The following NRG3 variants were observed in gnomAD, a reference collection of about 807,000 sequenced individuals.
NRG3 encodes pro-neuregulin-3, membrane-bound isoform.
Under a neutral mutation model 66.9 loss-of-function variants are expected in NRG3, and 31 were observed. That is an observed-to-expected ratio of 0.46 (90% CI 0.35 to 0.63). NRG3 has a LOEUF of 0.63. NRG3 is among the 20% of genes least tolerant of loss of function. The pLI, the probability that NRG3 is intolerant of heterozygous loss-of-function variation, is 0.00. For synonymous variants in NRG3, 393 were observed against 359.4 expected (o/e 1.09, Z -1.06); for missense variants, 910 against 878.9 (o/e 1.04, Z -0.45).
chr10:82,108,737 T>C (rs1040870322), intron 1 of NRG3, among the ~76,000 whole-genome samples: 1 of 152,220 alleles, frequency 6.6e-6, no homozygotes, highest in Admixed American at 6.5e-5. Context: ...GCGTTCATAA[T>C]AGCTAGCCTG....
intron 2 of NRG3, among the ~76,000 whole-genome samples, chr10:82,689,122 A>G (rs1428596886): frequency 6.6e-6 from 1 of 152,140 alleles, no homozygotes; most frequent in Non-Finnish European, 1.5e-5. Flanking sequence ...ACCTTATAAA[A>G]TTGCTGATCA....
At chr10:82,492,547 G>T (rs1843244498) in intron 2 of NRG3, among the ~76,000 whole-genome samples, 2 of 152,144 alleles carry the variant, frequency 1.3e-5, no homozygotes, top group Admixed American at 1.3e-4. Flanking sequence ...AAAAGAGATT[G>T]CATAGAAACC....
intron 2 of NRG3, among the ~76,000 whole-genome samples, chr10:82,600,482 A>G (rs2047553388): frequency 6.6e-6 from 1 of 151,970 alleles, no homozygotes; most frequent in African/African-American, 2.4e-5. Flanking sequence ...TTTATTTGCT[A>G]TTTTTTGAGA....
At chr10:82,785,638 G>C (rs1024951652) in intron 3 of NRG3, among the ~76,000 whole-genome samples, 2 of 152,166 alleles carry the variant, frequency 1.3e-5, no homozygotes, top group Admixed American at 1.3e-4. Flanking sequence ...ACTTTAGAGG[G>C]ATGAACTAGG....
At chr10:82,575,777 A>T (rs1176373642) in intron 2 of NRG3, among the ~76,000 whole-genome samples, 1 of 151,754 alleles carries the variant, frequency 6.6e-6, no homozygotes, top group African/African-American at 2.4e-5. Context: ...GTCTTGTTTT[A>T]TGTTCTTCCA....
Position 82,143,910 on chromosome 10 carries a change from G to A in NRG3, c.824-214829G>A, listed in dbSNP as rs113525062. Among the ~76,000 whole-genome samples, 771 of 151,976 alleles carry A rather than the reference G, an allele frequency of 5.1e-3. 9 individuals are homozygous for A. The highest frequency in any genetic ancestry group is 0.018 in the African/African-American group (730 of 41,472). On this transcript the variant is annotated intron_variant, in intron 1 of 8. Transcript: ENST00000372141. ...CAGGGCATGGTGGTGCACACCCGTA[G>A]TCCCAGTTACTCAAGAGTCTGAGGT...
At chr10:82,390,205 A>G (rs902254905) in intron 2 of NRG3, among the ~76,000 whole-genome samples, 4 of 152,004 alleles carry the variant, frequency 2.6e-5, no homozygotes, top group African/African-American at 9.7e-5. Flanking sequence ...TCAGTGATCC[A>G]TTTTCAAAAG....
At chr10:82,911,175 A>T (rs1404516281) in intron 4 of NRG3, among the ~76,000 whole-genome samples, 1 of 152,164 alleles carries the variant, frequency 6.6e-6, no homozygotes, top group African/African-American at 2.4e-5. Flanking sequence ...TATGCCTGCT[A>T]ATTTTGAGTT....
At chr10:82,171,572 C>A (rs1341417860) in intron 1 of NRG3, among the ~76,000 whole-genome samples, 1 of 152,026 alleles carries the variant, frequency 6.6e-6, no homozygotes, top group African/African-American at 2.4e-5. Flanking sequence ...AATTCAGCTG[C>A]GAGTATTACA....
At chr10:82,442,341 A>T (rs1012313345) in intron 2 of NRG3, among the ~76,000 whole-genome samples, 3 of 152,220 alleles carry the variant, frequency 2.0e-5, no homozygotes, top group South Asian at 4.1e-4. Context: ...AAACATAATT[A>T]TAAATTGTAA....
chr10:82,528,193 A>C (rs1193466542), intron 2 of NRG3, among the ~76,000 whole-genome samples: 1 of 152,198 alleles, frequency 6.6e-6, no homozygotes, highest in Non-Finnish European at 1.5e-5. Context: ...CAGTAGGTAT[A>C]CATTCAGGCT....
chr10:82,427,168 G>A (rs939251262), intron 2 of NRG3, among the ~76,000 whole-genome samples: 1 of 152,014 alleles, frequency 6.6e-6, no homozygotes, highest in Admixed American at 6.6e-5. Context: ...TTTCAATCTT[G>A]TCTTTTATTT....
intron 2 of NRG3, among the ~76,000 whole-genome samples, chr10:82,737,578 A>T (rs1473352304): frequency 1.3e-5 from 2 of 152,134 alleles, no homozygotes; most frequent in Non-Finnish European, 2.9e-5. Context: ...CCTCTTAAGT[A>T]GGACAGATTC....
At chr10:82,397,319 G>T (rs960879243) in intron 2 of NRG3, among the ~76,000 whole-genome samples, 2 of 152,096 alleles carry the variant, frequency 1.3e-5, no homozygotes, top group African/African-American at 2.4e-5. Context: ...GAAGAAAAAG[G>T]TGCTCCCAAA....
At chr10:82,735,142 AC>A (rs1303530037) in intron 2 of NRG3, among the ~76,000 whole-genome samples, 1 of 152,168 alleles carries the variant, frequency 6.6e-6, no homozygotes, top group Non-Finnish European at 1.5e-5. Flanking sequence ...AGAGTTGGAG[AC>A]TTTTTTAAAA....
chr10:82,390,644 G>A (rs1007068932), intron 2 of NRG3, among the ~76,000 whole-genome samples: 2 of 152,080 alleles, frequency 1.3e-5, no homozygotes, highest in African/African-American at 4.8e-5. Flanking sequence ...AAAGTTACTT[G>A]TCTTAACCTA....
chr10:82,154,391 G>A (rs2132842123), intron 1 of NRG3, among the ~76,000 whole-genome samples: 1 of 151,822 alleles, frequency 6.6e-6, no homozygotes, highest in Middle Eastern at 3.4e-3. Flanking sequence ...TAAATGTGTG[G>A]GTTTATTTCA....
At chr10:82,899,519 G>C (rs188999265) in intron 4 of NRG3, among the ~76,000 whole-genome samples, 1 of 152,234 alleles carries the variant, frequency 6.6e-6, no homozygotes, top group Admixed American at 6.5e-5. Context: ...TTTTTTCTCT[G>C]TGTTTTAACT....
intron 2 of NRG3, among the ~76,000 whole-genome samples, chr10:82,529,706 A>G (rs1354220005): frequency 6.6e-6 from 1 of 152,186 alleles, no homozygotes; most frequent in Non-Finnish European, 1.5e-5. Flanking sequence ...CTGACCACAC[A>G]AAAGCCAGAA....
Sources: allele counts gnomAD v4.1 joint callset (sites outside exome capture counted in the v4.1 genomes callset), GRCh38; gene constraint gnomAD v4.1.1; transcripts MANE v1.5; gene names NCBI Gene and HGNC (gene_info 2026-07-23, HGNC 2026-07-21).